The following FBXO16 variants were observed in gnomAD, a reference collection of about 807,000 sequenced individuals.
FBXO16 encodes F-box protein 16.
FBXO16 carries 31 observed loss-of-function variants against 41.0 expected under a neutral mutation model. The ratio of observed to expected loss-of-function variants is 0.76; its 90% CI spans 0.57 to 1.02. The LOEUF is 1.02. Ranked by LOEUF, FBXO16 falls within the 50% of genes least tolerant of loss-of-function variation. FBXO16 has a pLI of 0.00. For missense variants in FBXO16, 361 were observed against 346.2 expected (o/e 1.04, Z -0.34); for synonymous variants, 133 against 117.8 (o/e 1.13, Z -0.84).
intron 1 of FBXO16, among the ~76,000 whole-genome samples, chr8:28,488,810 C>T (rs922169412): frequency 1.2e-4 from 19 of 152,188 alleles, no homozygotes; most frequent in East Asian, 5.8e-4. Flanking sequence ...GACTTCCTCG[C>T]GTGGAAGTCT....
chr8:28,471,273 TCTCA>T (rs1217377008), intron 3 of FBXO16, among the ~76,000 whole-genome samples: 4 of 152,240 alleles, frequency 2.6e-5, no homozygotes, highest in African/African-American at 7.2e-5. Flanking sequence ...ATATTTTATC[TCTCA>T]CTGTCTAGAT....
chr8:28,487,156 T>G (rs907907464), intron 1 of FBXO16, among the ~76,000 whole-genome samples: 2 of 152,044 alleles, frequency 1.3e-5, no homozygotes, highest in Non-Finnish European at 2.9e-5. Flanking sequence ...AGATTAGACT[T>G]TCTTTCAACC....
intron 2 of FBXO16, among the ~76,000 whole-genome samples, chr8:28,477,122 G>A (rs768338256): frequency 2.5e-4 from 38 of 151,146 alleles, no homozygotes; most frequent in Non-Finnish European, 4.4e-4. Context: ...TTTTTTAGGC[G>A]TCTAAATTTG....
chr8:28,489,730 C>T (rs925252146), intron 1 of FBXO16, among the ~76,000 whole-genome samples: 7 of 149,232 alleles, frequency 4.7e-5, no homozygotes, highest in East Asian at 1.9e-4. Flanking sequence ...AAAAAAAAAA[C>T]CCTTGTAGAA....
chr8:28,437,837 C>T (rs558813071), intron 7 of FBXO16, among the ~76,000 whole-genome samples: 1 of 152,204 alleles, frequency 6.6e-6, no homozygotes, highest in South Asian at 2.1e-4. Flanking sequence ...TGCACTGCTC[C>T]AGTCCAGAAT....
At chr8:28,484,520 G>A (rs542833421) in intron 1 of FBXO16, among the ~76,000 whole-genome samples, 2 of 152,366 alleles carry the variant, frequency 1.3e-5, no homozygotes, top group East Asian at 3.9e-4. Context: ...CCCCAGCCAA[G>A]AGATGGTCAT....
At chr8:28,470,902 T>C (rs555225773) in intron 3 of FBXO16, among the ~76,000 whole-genome samples, 168 of 152,340 alleles carry the variant, frequency 1.1e-3, no homozygotes, top group Middle Eastern at 3.4e-3. Flanking sequence ...CTAACTCTGA[T>C]TATGGTGGTT....
intron 5 of FBXO16, among the ~76,000 whole-genome samples, chr8:28,455,144 C>T (rs1434855663): frequency 1.3e-5 from 2 of 151,070 alleles, no homozygotes; most frequent in African/African-American, 2.4e-5. Flanking sequence ...GGCTTGATCT[C>T]GGCTCACTGC....
At position 28,456,751 on chromosome 8, in the gene FBXO16, C is replaced by T. The variant is rs1165989802; in HGVS notation, c.507+15G>A. The T allele has an allele frequency of 6.2e-7, 1 of 1,610,986 alleles. No homozygotes were observed. The highest frequency in any genetic ancestry group is 1.3e-5 in the African/African-American group (1 of 74,964). ...CCAATGTTTGCAAGCTTGTGGCTTT[C>T]TGTCTAAAATTCACCTTAGGCTTGG... is the stretch of plus-strand genomic sequence containing the variant. On this transcript the variant is annotated intron_variant, in intron 5 of 8. Transcript: ENST00000380254.
At chr8:28,435,886 T>G (rs1399153115) in intron 7 of FBXO16, among the ~76,000 whole-genome samples, 1 of 152,186 alleles carries the variant, frequency 6.6e-6, no homozygotes, top group Non-Finnish European at 1.5e-5. Flanking sequence ...CCCCTATCTG[T>G]CCAGGCATTT....
In FBXO16 at chr8:28,490,202, C is replaced by A. The variant is rs1803669117; in HGVS notation, c.-33G>T. The A allele has an allele frequency of 6.6e-6, 1 of 152,194 alleles. No homozygotes were observed. The highest frequency in any genetic ancestry group is 1.5e-5 in the Non-Finnish European group (1 of 68,050). The allele number at this position is 152,194 out of a possible 1,614,324, so 9.4% of individuals were successfully genotyped here. ...AGCTCTCACCTCTTTTAGCTTGTCTCCCTCTTCAAGCCTCAAGCGCTGACG... is the reference window on the plus strand; with the variant it reads ...AGCTCTCACCTCTTTTAGCTTGTCTACCTCTTCAAGCCTCAAGCGCTGACG... On this transcript the variant is annotated 5_prime_UTR_variant, in exon 1 of 9. Coordinates refer to ENST00000380254, the MANE Select transcript of FBXO16 (RefSeq NM_172366.4).
chr8:28,461,817 C>T (rs913755839), intron 4 of FBXO16, among the ~76,000 whole-genome samples: 4 of 152,212 alleles, frequency 2.6e-5, no homozygotes, highest in Non-Finnish European at 4.4e-5. Flanking sequence ...GGAATACTCA[C>T]AAAGGCTTCC....
intron 4 of FBXO16, among the ~76,000 whole-genome samples, chr8:28,461,025 G>A (rs1210542543): frequency 6.6e-6 from 1 of 151,678 alleles, no homozygotes; most frequent in South Asian, 2.1e-4. Context: ...AAGCCACTGT[G>A]CCTGGCCGTA....
intron 1 of FBXO16, among the ~76,000 whole-genome samples, chr8:28,484,408 G>A (rs557269684): frequency 6.6e-5 from 10 of 152,278 alleles, no homozygotes; most frequent in Non-Finnish European, 1.5e-4. Flanking sequence ...TCCAGTATAT[G>A]TCTGCCTCCT....
intron 3 of FBXO16, among the ~76,000 whole-genome samples, chr8:28,470,636 T>C (rs1047729319): frequency 3.3e-5 from 5 of 152,232 alleles, no homozygotes; most frequent in African/African-American, 1.2e-4. Context: ...ATTTTTGCCA[T>C]ATAGGCAAGG....
Position 28,452,348 on chromosome 8 carries a change from C to G in FBXO16, c.636G>C (p.Gly212=). 1 of 1,614,138 alleles carries G rather than the reference C, an allele frequency of 6.2e-7. No individual in the cohort carries two copies. The highest frequency in any genetic ancestry group is 8.5e-7 in the Non-Finnish European group (1 of 1,180,048). The change falls in exon 6 of 9, where the codon GGG becomes GGC. Residue 212 remains glycine (G), a synonymous_variant. Coordinates refer to ENST00000380254, the MANE Select transcript of FBXO16 (RefSeq NM_172366.4). ...SSSLRKKNNS[G]EKALPPWRSS... is the part of the protein sequence containing the mutation. ...ATCGCCAGGGTGGAAGTGCTTTCTC[C>G]CCTGAGTTATTCTTCTTTCTTAAAG...
At chr8:28,461,155 T>C (rs1803128947) in intron 4 of FBXO16, among the ~76,000 whole-genome samples, 1 of 151,604 alleles carries the variant, frequency 6.6e-6, no homozygotes, top group Admixed American at 6.6e-5. Flanking sequence ...TCCCTCCTGG[T>C]AGACATTTTC....
At chr8:28,487,392 A>AT (rs56197407) in intron 1 of FBXO16, among the ~76,000 whole-genome samples, 8,402 of 125,750 alleles carry the variant, frequency 0.067, 411 homozygotes, top group Middle Eastern at 0.11. Flanking sequence ...AAGAAGACAG[A>AT]TTTTTTTTTT....
intron 7 of FBXO16, among the ~76,000 whole-genome samples, chr8:28,437,540 A>C (rs904152481): frequency 1.1e-4 from 16 of 152,328 alleles, no homozygotes; most frequent in African/African-American, 3.4e-4. Context: ...CACTGAGTTC[A>C]ACACACATGC....
Sources: allele counts gnomAD v4.1 joint callset (sites outside exome capture counted in the v4.1 genomes callset), GRCh38; gene constraint gnomAD v4.1.1; transcripts MANE v1.5; gene names NCBI Gene and HGNC (gene_info 2026-07-23, HGNC 2026-07-21).